The following SOX5 variants were observed in gnomAD, a reference collection of about 807,000 sequenced individuals.
SOX5 encodes the protein transcription factor SOX-5.
SOX5 carries 9 observed loss-of-function variants against 92.0 expected under a neutral mutation model. The observed-to-expected ratio is 0.10, with a 90% CI of 0.06 to 0.17. The LOEUF is 0.17. Among genes scored for constraint, SOX5 ranks in the 10% least tolerant of loss-of-function variants. SOX5 has a pLI of 1.00. For synonymous variants in SOX5, 344 were observed against 336.3 expected, an observed-to-expected ratio of 1.02 and a Z score of -0.25; for missense variants, 642 against 944.5, an observed-to-expected ratio of 0.68 and a Z score of 4.20.
intron 2 of SOX5, among the ~76,000 whole-genome samples, chr12:23,890,308 G>A (rs369828925): frequency 6.7e-5 from 10 of 149,206 alleles, no homozygotes; most frequent in Non-Finnish European, 8.9e-5. Context: ...CAACAAGAAC[G>A]GAACTCCATT....
intron 4 of SOX5, among the ~76,000 whole-genome samples, chr12:23,971,530 A>AATAT (rs139288287): frequency 0.012 from 1,773 of 146,924 alleles, 12 homozygotes; most frequent in East Asian, 0.039. Flanking sequence ...TCCACTTCAG[A>AATAT]ATATATATAT....
At chr12:23,965,627 G>A (rs1419562857) in intron 4 of SOX5, among the ~76,000 whole-genome samples, 1 of 152,016 alleles carries the variant, frequency 6.6e-6, no homozygotes, top group Non-Finnish European at 1.5e-5. Flanking sequence ...TTTGTTGTTG[G>A]TTTGTTTTTG....
At chr12:24,442,749 C>G (rs1353961770) in intron 1 of SOX5, among the ~76,000 whole-genome samples, 1 of 151,970 alleles carries the variant, frequency 6.6e-6, no homozygotes, top group Non-Finnish European at 1.5e-5. Flanking sequence ...GAAGAGCGAG[C>G]AAGAGATAGG....
At chr12:24,132,433 A>G (rs570595821) in intron 4 of SOX5, among the ~76,000 whole-genome samples, 5 of 152,266 alleles carry the variant, frequency 3.3e-5, no homozygotes, top group African/African-American at 1.2e-4. Flanking sequence ...ATATATTTTT[A>G]ATTCGTTTTG....
intron 13 of SOX5, 142 bp downstream of exon 13, chr12:23,543,069 A>C: frequency 1.8e-6 from 1 of 552,342 alleles, no homozygotes. Context: ...CACCAGAAGA[A>C]GCCTCAATGA....
intron 4 of SOX5, among the ~76,000 whole-genome samples, chr12:24,120,039 GA>G (rs1229055134): frequency 6.6e-6 from 1 of 152,136 alleles, no homozygotes; most frequent in Non-Finnish European, 1.5e-5. Flanking sequence ...TCCATTTTAA[GA>G]ATAAACCACT....
intron 4 of SOX5, among the ~76,000 whole-genome samples, chr12:23,994,188 G>C (rs1006750821): frequency 1.3e-5 from 2 of 152,034 alleles, no homozygotes; most frequent in Non-Finnish European, 2.9e-5. Context: ...TGTATCATGA[G>C]AGGGAAATCT....
In SOX5 at chr12:23,577,191, A is replaced by ATATTTT. The variant is rs71059907; in HGVS notation, c.1165-1354_1165-1353insAAAATA. On this transcript the variant is annotated intron_variant, in intron 9 of 14. Transcript: ENST00000451604. ...CACACACACACATATATATATATAT[A>ATATTTT]TTTTTTTTTTTTTTTTTTTTTGAGA... 7.2e-3 allele frequency among the ~76,000 whole-genome samples: 444 copies of ATATTTT among 61,378 alleles called. 10 individuals are homozygous for ATATTTT. The highest frequency in any genetic ancestry group is 8.8e-3 in the African/African-American group (154 of 17,572). The allele number at this position is 61,378 out of a possible 152,430, so 40.3% of individuals were successfully genotyped here. A position where few individuals can be genotyped will look rare whatever the true frequency, so the allele number is the denominator to read the frequency against.
intron 8 of SOX5, among the ~76,000 whole-genome samples, chr12:23,632,740 A>T (rs2078709353): frequency 6.6e-6 from 1 of 152,034 alleles, no homozygotes; most frequent in Non-Finnish European, 1.5e-5. Flanking sequence ...TATACCTATG[A>T]TTGCTATGAA....
chr12:24,348,398 G>A (rs201748345), intron 2 of SOX5, among the ~76,000 whole-genome samples: 6 of 21,682 alleles, frequency 2.8e-4, no homozygotes, highest in Non-Finnish European at 5.8e-4. Flanking sequence ...TTATTTATTT[G>A]TTGAGATGGA....
chr12:24,150,469 T>C (rs993008524), intron 4 of SOX5, among the ~76,000 whole-genome samples: 3 of 152,172 alleles, frequency 2.0e-5, no homozygotes, highest in Non-Finnish European at 4.4e-5. Context: ...GATGAGTTTA[T>C]GGACGGAAGA....
chr12:24,246,159 T>A lies in SOX5; in HGVS notation c.-77+31057A>T, dbSNP rs77337003. 2.0e-3 allele frequency among the ~76,000 whole-genome samples: 306 copies of A among 152,312 alleles called. 5 individuals carry two copies. Among genetic ancestry groups the A allele is most frequent in the African/African-American group, 6.6e-3 (274 of 41,576 alleles). On this transcript the variant is annotated intron_variant, in intron 3 of 4. Coordinates refer to the SOX5 transcript ENST00000446891. ...TTTTAGTCTTGTTGAACTTTTTTTTTAAATAATGTTTTCTTATAAAATGTC... is the reference window on the plus strand; with the variant it reads ...TTTTAGTCTTGTTGAACTTTTTTTTAAAATAATGTTTTCTTATAAAATGTC...
chr12:23,765,599 GT>G, intron 3 of SOX5, among the ~76,000 whole-genome samples: 1 of 151,564 alleles, frequency 6.6e-6, no homozygotes, highest in South Asian at 2.1e-4. Flanking sequence ...AAAGGCAGTG[GT>G]TATAAAATTA....
At chr12:24,490,462 A>G (rs1566294717) in intron 1 of SOX5, among the ~76,000 whole-genome samples, 1 of 152,288 alleles carries the variant, frequency 6.6e-6, no homozygotes, top group East Asian at 1.9e-4. Flanking sequence ...TTTTTTACAA[A>G]GCATTTTCTT....
intron 3 of SOX5, among the ~76,000 whole-genome samples, chr12:23,833,191 G>C (rs2096358169): frequency 6.6e-6 from 1 of 151,984 alleles, no homozygotes; most frequent in African/African-American, 2.4e-5. Context: ...ACCTCTGAGG[G>C]AAGCTTGGAA....
chr12:24,065,667 GAAAAGAA>G (rs1474953284), intron 4 of SOX5, among the ~76,000 whole-genome samples: 2 of 96,778 alleles, frequency 2.1e-5, no homozygotes, highest in Non-Finnish European at 5.2e-5. Context: ...AAAAAAAAAA[GAAAAGAA>G]AAAAGAAAAA....
chr12:23,786,438 T>C (rs1244465626), intron 3 of SOX5, among the ~76,000 whole-genome samples: 1 of 151,686 alleles, frequency 6.6e-6, no homozygotes, highest in East Asian at 1.9e-4. Flanking sequence ...AAAATAATCA[T>C]GTAAATGGAA....
At chr12:24,538,144 G>T (rs538403149) in intron 1 of SOX5, among the ~76,000 whole-genome samples, 1 of 152,248 alleles carries the variant, frequency 6.6e-6, no homozygotes, top group African/African-American at 2.4e-5. Flanking sequence ...TTTTTGAATA[G>T]AAAGGCTCCC....
intron 4 of SOX5, among the ~76,000 whole-genome samples, chr12:24,077,475 T>C (rs1205140421): frequency 6.6e-6 from 1 of 151,994 alleles, no homozygotes; most frequent in African/African-American, 2.4e-5. Flanking sequence ...CCCCTTCACT[T>C]ATCTAAATTG....
Sources: allele counts gnomAD v4.1 joint callset (sites outside exome capture counted in the v4.1 genomes callset), GRCh38; gene constraint gnomAD v4.1.1; transcripts MANE v1.5; gene names NCBI Gene and HGNC (gene_info 2026-07-23, HGNC 2026-07-21).